Variants in PPAN observed in about 807,000 individuals in gnomAD.
PPAN encodes the protein peter pan homolog, also known as suppressor of SWI4 1 homolog.
A neutral mutation model predicts 48.5 loss-of-function variants in PPAN; 39 were observed. The observed-to-expected ratio is 0.80, with a 90% CI of 0.62 to 1.05. The LOEUF (loss-of-function observed/expected upper bound fraction) is 1.05. PPAN is among the 50% of genes least tolerant of loss of function. The pLI is 0.00. For missense variants in PPAN, 736 were observed against 661.7 expected (o/e 1.11, Z -1.23); for synonymous variants, 315 against 268.6 (o/e 1.17, Z -1.69).
Position 10,111,997 on chromosome 19 carries a change from C to T in PPAN, c.*832C>T. The T allele has an allele frequency of 4.4e-6, 2 of 455,812 alleles. No individual in the cohort carries two copies. Among genetic ancestry groups the T allele is most frequent in the South Asian group, 2.4e-5 (1 of 41,622 alleles). 28.2% of individuals were successfully genotyped at this position (455,812 alleles called of 1,614,324 possible). On this transcript the variant is annotated 3_prime_UTR_variant, in exon 12 of 12. Coordinates refer to ENST00000253107, the MANE Select transcript of PPAN (RefSeq NM_020230.7). ...TGGTGGCACATGCCTGTAATCCCAG[C>T]TACTCGGGAGGCTGAGACAAGAGAA...
rs762708825 is a variant in PPAN, at chr19:10,110,494, C to T, written c.911C>T (p.Thr304Met). The change falls in exon 10 of 12, where the codon ACG (threonine) becomes ATG (methionine). Residue 304 changes from threonine (T) to methionine (M), a missense_variant. By Grantham distance (81) the Thr-to-Met change is moderately conservative. Transcript: ENST00000253107. This position sits in a 1 kb window ranked among gnomAD's most constrained non-coding sequence, Gnocchi z 5.9. Reference sequence around the variant, plus strand: ...GCGTCTCTTGGCTCAGTGAGCAAGACGGAGGAGGAGCTGCAGGCCATCCTG... The same window carrying T: ...GCGTCTCTTGGCTCAGTGAGCAAGATGGAGGAGGAGCTGCAGGCCATCCTG... ...KVMFHSFVSK[T>M]EEELQAILEA... 6.8e-6 allele frequency: 11 copies of T among 1,612,340 alleles called. No homozygotes were observed. The highest frequency in any genetic ancestry group is 1.7e-4 in the Middle Eastern group (1 of 6,042).
chr19:10,109,408 G>T (rs73011211), intron 5 of PPAN, among the ~76,000 whole-genome samples: 12,315 of 152,146 alleles, frequency 0.081, 701 homozygotes, highest in Non-Finnish European at 0.12. Flanking sequence ...ACTTTTTGTA[G>T]ACATGGAGAC....
chr19:10,111,848 A>C lies in PPAN; in HGVS notation c.*683A>C. On this transcript the variant is annotated 3_prime_UTR_variant, in exon 12 of 12. Coordinates refer to ENST00000253107, the MANE Select transcript of PPAN (RefSeq NM_020230.7). ...GGTCTGGGGCTGGGCACGGTGGCTC[A>C]CGCCTGTAATCCCAGCACTTTGGGA... The C allele has an allele frequency of 1.1e-5, 15 of 1,332,388 alleles. No individual in the cohort carries two copies. Among genetic ancestry groups the C allele is most frequent in the Non-Finnish European group, 1.6e-5 (15 of 946,066 alleles). 82.5% of individuals were successfully genotyped at this position (1,332,388 alleles called of 1,614,324 possible). A position where few individuals can be genotyped will look rare whatever the true frequency, so the allele number is the denominator to read the frequency against.
At chr19:10,107,908 G>C (rs771871551) in intron 4 of PPAN, 54 bp downstream of exon 4, 9 of 1,603,304 alleles carry the variant, frequency 5.6e-6, no homozygotes, top group Middle Eastern at 1.7e-4. Flanking sequence ...TGGACTTGGG[G>C]TTGTCCGCAG....
chr19:10,110,102 C>T lies in PPAN; in HGVS notation c.699-21C>T, dbSNP rs1024885219. The stretch of plus-strand genomic sequence containing the variant: ...GGGAGCCTGAGCTCCCCCACTGAGC[C>T]CTGTTATGTCCTACACACAGGGGCG... On this transcript the variant is annotated intron_variant, in intron 7 of 11. Transcript: ENST00000253107. The surrounding 1 kb of genome is among the most constrained non-coding windows in gnomAD (Gnocchi z 5.9). The T allele has an allele frequency of 6.2e-7, 1 of 1,610,324 alleles. No homozygotes were observed. The highest frequency in any genetic ancestry group is 8.5e-7 in the Non-Finnish European group (1 of 1,178,826).
rs993935536 is a variant in PPAN at position 10,107,051 on chromosome 19, G to A, written c.189+380G>A. ...AAAATAGAAAAATTAGTCGGATATG[G>A]TGTTGCGTGCCTGTAGTCCCGGCTA... On this transcript the variant is annotated intron_variant, in intron 2 of 11. Coordinates refer to ENST00000253107, the MANE Select transcript of PPAN (RefSeq NM_020230.7). 4.1e-5 allele frequency: 21 copies of A among 513,298 alleles called. No individual in the cohort carries two copies. In the Admixed American group the frequency reaches 4.9e-4, roughly 12 times the overall value. 31.8% of individuals were successfully genotyped at this position (513,298 alleles called of 1,614,324 possible).
intron 5 of PPAN, among the ~76,000 whole-genome samples, chr19:10,108,612 T>C (rs2088927672): frequency 6.6e-6 from 1 of 151,992 alleles, no homozygotes; most frequent in South Asian, 2.1e-4. Context: ...AAAAGCCCGG[T>C]GTGGCGGTGC....
chr19:10,109,178 G>A (rs1398484833), intron 5 of PPAN, among the ~76,000 whole-genome samples: 4 of 151,988 alleles, frequency 2.6e-5, no homozygotes, highest in South Asian at 2.1e-4. Context: ...TAGCCAGGGT[G>A]GTCTTGATCT....
chr19:10,110,088 C>T lies in PPAN; in HGVS notation c.699-35C>T. ...CCCAGAACAGGACCGGGAGCCTGAG[C>T]TCCCCCACTGAGCCCTGTTATGTCC... On this transcript the variant is annotated intron_variant, in intron 7 of 11. Transcript: ENST00000253107. The surrounding 1 kb of genome is among the most constrained non-coding windows in gnomAD (Gnocchi z 5.9). 6.2e-7 allele frequency: 1 copy of T among 1,609,606 alleles called. No homozygotes were observed. Among genetic ancestry groups the T allele is most frequent in the Non-Finnish European group, 8.5e-7 (1 of 1,177,864 alleles).
At chr19:10,107,000 A>C (rs2088854199) in intron 2 of PPAN, 1 of 620,910 alleles carries the variant, frequency 1.6e-6, no homozygotes, top group Non-Finnish European at 3.0e-6. Context: ...CAGCCTGAGC[A>C]GCATGGTGAA....
At chr19:10,109,296 G>A (rs539294707) in intron 5 of PPAN, among the ~76,000 whole-genome samples, 4 of 151,994 alleles carry the variant, frequency 2.6e-5, no homozygotes, top group Non-Finnish European at 4.4e-5. Context: ...GTCTCCGTAC[G>A]TTGGTCTTGA....
intron 2 of PPAN, chr19:10,107,155 CCA>C: frequency 2.5e-6 from 1 of 396,508 alleles, no homozygotes; most frequent in East Asian, 5.9e-5. Flanking sequence ...CCACTTCACT[CCA>C]GTCTGGGCGA....
rs1312100098 is a variant in PPAN, at chr19:10,111,815, AAC to A, written c.*653_*654del. On this transcript the variant is annotated 3_prime_UTR_variant, in exon 12 of 12. Coordinates refer to ENST00000253107, the MANE Select transcript of PPAN (RefSeq NM_020230.7). ...AGGTGGGGGTAGTGGGTATTGGTAA[AAC>A]ACCTAGGTCTGGGGCTGGGCACGGT... The A allele has an allele frequency of 6.4e-7, 1 of 1,557,772 alleles. No homozygotes were observed. The highest frequency in any genetic ancestry group is 2.3e-5 in the East Asian group (1 of 44,356).
intron 5 of PPAN, 35 bp downstream of exon 5, chr19:10,108,169 G>C (rs753179548): frequency 1.3e-6 from 2 of 1,580,132 alleles, no homozygotes; most frequent in African/African-American, 2.7e-5. Flanking sequence ...AGGTATGGGG[G>C]GGTGCAGCGG....
Position 10,107,487 on chromosome 19 carries a change from TC to T in PPAN, c.190-17del. 3.1e-6 allele frequency: 5 copies of T among 1,612,138 alleles called. No individual in the cohort carries two copies. The highest frequency in any genetic ancestry group is 4.2e-6 in the Non-Finnish European group (5 of 1,179,920). On this transcript the variant is annotated splice_polypyrimidine_tract_variant and intron_variant, in intron 2 of 11. Transcript: ENST00000253107. ...AGGGATAAGCTATGTTTTCTTTTTT[TC>T]TTTTTGTCATTTCCAGGTTCGTAAG... is the stretch of plus-strand genomic sequence containing the variant.
Position 10,106,606 on chromosome 19 carries a change from A to G in PPAN, c.124A>G (p.Asn42Asp), listed in dbSNP as rs1412265967. 2 of 1,550,212 alleles carry G rather than the reference A, an allele frequency of 1.3e-6. No homozygotes were observed. Among genetic ancestry groups the G allele is most frequent in the Non-Finnish European group, 1.7e-6 (2 of 1,147,840 alleles). ...GTTCACGCGAGGCTGCACGGGTCGC[A>G]ACATCCGGCAGCTCAGCCTGGACGT... ...FVFTRGCTGR[N>D]IRQLSLDVRR... The change falls in exon 2 of 12, where the codon AAC becomes GAC. Residue 42 changes from asparagine to aspartate, a missense_variant. Physicochemically the swap from Asn to Asp is conservative, Grantham distance 23 (BLOSUM62 1). Coordinates refer to ENST00000253107, the MANE Select transcript of PPAN (RefSeq NM_020230.7).
chr19:10,110,039 G>A lies in PPAN; in HGVS notation c.698+19G>A, dbSNP rs202168947. Reference sequence around the variant, plus strand: ...TGGCCACGTGAGGAGGGCATAGGGCGGGAGGCCACTGCGGCCCGGGGACCC... The same window carrying A: ...TGGCCACGTGAGGAGGGCATAGGGCAGGAGGCCACTGCGGCCCGGGGACCC... On this transcript the variant is annotated intron_variant, in intron 7 of 11. Coordinates refer to ENST00000253107, the MANE Select transcript of PPAN (RefSeq NM_020230.7). The surrounding 1 kb of genome is among the most constrained non-coding windows in gnomAD (Gnocchi z 5.9). 100 of 1,612,770 alleles carry A rather than the reference G, an allele frequency of 6.2e-5. No individual in the cohort carries two copies. In the African/African-American group the frequency reaches 1.2e-3, roughly 19 times the overall value.
rs2089039076 is a variant in PPAN, at chr19:10,110,928, ACT to A, written c.1202-16_1202-15del. 2 of 1,613,118 alleles carry A rather than the reference ACT, an allele frequency of 1.2e-6. No homozygotes were observed. The highest frequency in any genetic ancestry group is 8.5e-7 in the Non-Finnish European group (1 of 1,179,860). On this transcript the variant is annotated splice_polypyrimidine_tract_variant and intron_variant, in intron 11 of 11. Transcript: ENST00000253107. The surrounding 1 kb of genome is among the most constrained non-coding windows in gnomAD (Gnocchi z 5.9). ...TGTCCTTGTCTCTGGGGGCCCTGAC[ACT>A]GTCTCTCCCCACAGACCTGTTCCCC...
Position 10,109,802 on chromosome 19 carries a change from C to G in PPAN, c.590+95C>G, listed in dbSNP as rs917462483. 19 of 1,589,610 alleles carry G rather than the reference C, an allele frequency of 1.2e-5. No individual in the cohort carries two copies. The African/African-American group carries it at 2.4e-4, about 20-fold the overall frequency. On this transcript the variant is annotated intron_variant, in intron 6 of 11. Transcript: ENST00000253107. ...CACTTCTGCTGAGACGCTGTGATTG[C>G]TCTGTCCAAAGTAAACGCCCTGACG...
Sources: allele counts gnomAD v4.1 joint callset (sites outside exome capture counted in the v4.1 genomes callset), GRCh38; gene constraint gnomAD v4.1.1; non-coding constraint Gnocchi (gnomAD v3.1); transcripts MANE v1.5; gene names NCBI Gene and HGNC (gene_info 2026-07-23, HGNC 2026-07-21).